The following NOVA1 variants were observed in gnomAD, a reference collection of about 807,000 sequenced individuals.
NOVA1 encodes the protein RNA-binding protein Nova-1.
NOVA1 carries 7 observed loss-of-function variants against 38.0 expected under a neutral mutation model. The ratio of observed to expected loss-of-function variants is 0.18; its 90% CI spans 0.10 to 0.35. The LOEUF is 0.35. NOVA1 is among the 10% of genes least tolerant of loss of function. The pLI is 1.00. For synonymous variants in NOVA1, 270 were observed against 232.5 expected (o/e 1.16, Z -1.47); for missense variants, 460 against 616.0 (o/e 0.75, Z 2.68).
chr14:26,540,711 A>C (rs917627705), intron 2 of NOVA1, among the ~76,000 whole-genome samples: 4 of 152,202 alleles, frequency 2.6e-5, no homozygotes, highest in Non-Finnish European at 5.9e-5. Context: ...ATGTGAGATT[A>C]ATTTTAAACT....
intron 2 of NOVA1, among the ~76,000 whole-genome samples, chr14:26,541,654 A>G (rs1158793765): frequency 6.6e-6 from 1 of 150,788 alleles, no homozygotes; most frequent in African/African-American, 2.4e-5. Context: ...TCCTAATCTC[A>G]AAGTTCCATC....
rs1318497616 is a variant in NOVA1 at position 26,448,137 on chromosome 14, T to A, written c.1346A>T (p.Glu449Val). The change falls in exon 5 of 5, where the codon GAG (glutamate) becomes GTG (valine). Residue 449 changes from glutamate to valine, a missense_variant. Physicochemically the swap from Glu to Val is moderately radical, Grantham distance 121. Coordinates refer to ENST00000539517, the MANE Select transcript of NOVA1 (RefSeq NM_002515.3). The surrounding 1 kb of genome is among the most constrained non-coding windows in gnomAD (Gnocchi z 5.3). ...GATCTGTATCCTTGCACCAGTCAACTCCTGGTATTCCACTAATGTTTTCCC... is the reference window on the plus strand; with the variant it reads ...GATCTGTATCCTTGCACCAGTCAACACCTGGTATTCCACTAATGTTTTCCC... ...KGGKTLVEYQ[E>V]LTGARIQISK... 1 of 1,614,072 alleles carries A rather than the reference T, an allele frequency of 6.2e-7. No homozygotes were observed. The highest frequency in any genetic ancestry group is 1.3e-5 in the African/African-American group (1 of 74,922).
Position 26,597,762 on chromosome 14 carries a change from T to C in NOVA1, c.-326A>G. Reference sequence around the variant, plus strand: ...AGAGTGGAGAAGGGAGAGGGGCGAGTGAATGAGCGGGAGGAGGGGACCGGG... The same window carrying C: ...AGAGTGGAGAAGGGAGAGGGGCGAGCGAATGAGCGGGAGGAGGGGACCGGG... On this transcript the variant is annotated 5_prime_UTR_variant, in exon 1 of 5. Coordinates refer to ENST00000539517, the MANE Select transcript of NOVA1 (RefSeq NM_002515.3). 2 of 901,128 alleles carry C rather than the reference T, an allele frequency of 2.2e-6. No homozygotes were observed. The highest frequency in any genetic ancestry group is 1.3e-6 in the Non-Finnish European group (1 of 757,992). 55.8% of individuals were successfully genotyped at this position (901,128 alleles called of 1,614,324 possible).
intron 4 of NOVA1, among the ~76,000 whole-genome samples, chr14:26,456,703 C>CT (rs986932438): frequency 6.6e-6 from 1 of 151,828 alleles, no homozygotes; most frequent in African/African-American, 2.4e-5. Context: ...TCATCTTTCA[C>CT]TTTGTTTCTG....
At chr14:26,591,724 T>C (rs1566565468) in intron 2 of NOVA1, among the ~76,000 whole-genome samples, 2 of 151,704 alleles carry the variant, frequency 1.3e-5, no homozygotes, top group Non-Finnish European at 1.5e-5. Flanking sequence ...CTTTTCAAAA[T>C]AAAAGCAATG....
intron 4 of NOVA1, among the ~76,000 whole-genome samples, chr14:26,455,720 C>T (rs145735566): frequency 0.01 from 1,580 of 151,944 alleles, 20 homozygotes; most frequent in Middle Eastern, 0.037. Flanking sequence ...AAAATCTATG[C>T]TTTCTAGGTG....
chr14:26,530,353 A>G (rs923360173), intron 2 of NOVA1, among the ~76,000 whole-genome samples: 3 of 152,238 alleles, frequency 2.0e-5, no homozygotes, highest in Non-Finnish European at 4.4e-5. Context: ...GTAAAAATGA[A>G]TGAAGAAAGT....
chr14:26,555,795 A>G (rs1262044161), intron 2 of NOVA1, among the ~76,000 whole-genome samples: 3 of 152,138 alleles, frequency 2.0e-5, no homozygotes, highest in Non-Finnish European at 4.4e-5. Flanking sequence ...GTTATCACTT[A>G]TGTCAACCAG....
chr14:26,559,455 C>T (rs2138675671), intron 2 of NOVA1, among the ~76,000 whole-genome samples: 1 of 151,992 alleles, frequency 6.6e-6, no homozygotes, highest in South Asian at 2.1e-4. Context: ...TATATGAGAT[C>T]CTCTTATTAT....
At chr14:26,486,634 G>A (rs1329745945) in intron 2 of NOVA1, among the ~76,000 whole-genome samples, 6 of 140,592 alleles carry the variant, frequency 4.3e-5, no homozygotes, top group Non-Finnish European at 9.2e-5. Flanking sequence ...GCATGAACCT[G>A]GGAGGCAGAG....
At chr14:26,532,882 A>C (rs946514391) in intron 2 of NOVA1, among the ~76,000 whole-genome samples, 3 of 152,192 alleles carry the variant, frequency 2.0e-5, no homozygotes, top group African/African-American at 7.2e-5. Context: ...TGTACTAAAA[A>C]CATCATAAAT....
intron 2 of NOVA1, chr14:26,549,847 T>C (rs915427110): frequency 2.9e-6 from 2 of 696,492 alleles, no homozygotes; most frequent in Non-Finnish European, 2.2e-6. Flanking sequence ...AATTCGGTGG[T>C]GGGTGAAGTG....
chr14:26,593,035 T>C (rs930175897), intron 2 of NOVA1: 3 of 151,812 alleles, frequency 2.0e-5, no homozygotes, highest in Non-Finnish European at 4.4e-5. Context: ...GAAATAAACA[T>C]TAGGCATATT....
chr14:26,572,852 T>C (rs1165864620), intron 2 of NOVA1, among the ~76,000 whole-genome samples: 3 of 151,896 alleles, frequency 2.0e-5, no homozygotes, highest in Non-Finnish European at 4.4e-5. Flanking sequence ...TGTGAACATA[T>C]TATGTGTACT....
intron 2 of NOVA1, among the ~76,000 whole-genome samples, chr14:26,520,147 T>G (rs1327125120): frequency 6.6e-6 from 1 of 152,258 alleles, no homozygotes; most frequent in East Asian, 1.9e-4. Context: ...AATATGCCTG[T>G]GTGAGGATCA....
At chr14:26,575,882 TAAG>T in intron 2 of NOVA1, among the ~76,000 whole-genome samples, 1 of 152,068 alleles carries the variant, frequency 6.6e-6, no homozygotes, top group South Asian at 2.1e-4. Context: ...AAAAAAACAT[TAAG>T]TAGTACAGTT....
chr14:26,556,944 G>A (rs1168126280), intron 2 of NOVA1, among the ~76,000 whole-genome samples: 1 of 152,310 alleles, frequency 6.6e-6, no homozygotes, highest in East Asian at 1.9e-4. Flanking sequence ...ACTGGAGGTT[G>A]TAAGAGGGAA....
intron 2 of NOVA1, among the ~76,000 whole-genome samples, chr14:26,547,610 T>C (rs538644094): frequency 2.0e-5 from 3 of 152,230 alleles, no homozygotes; most frequent in East Asian, 3.9e-4. Flanking sequence ...AAAGCAGGTA[T>C]AGTTTGTGCC....
intron 2 of NOVA1, among the ~76,000 whole-genome samples, chr14:26,499,241 C>T (rs1887072764): frequency 6.6e-6 from 1 of 151,998 alleles, no homozygotes; most frequent in Admixed American, 6.6e-5. Context: ...ATTATAGTAA[C>T]CATTTCACTG....
Sources: gnomAD v4.1 joint callset for allele counts (sites outside exome capture counted in the v4.1 genomes callset) on GRCh38, gnomAD v4.1.1 for gene constraint, Gnocchi (gnomAD v3.1) non-coding constraint, MANE v1.5 for transcripts, NCBI Gene and HGNC (gene_info 2026-07-23, HGNC 2026-07-21) for gene names.